The following ELOVL7 variants were observed in gnomAD, a reference collection of about 807,000 sequenced individuals.
ELOVL7 encodes very long chain fatty acid elongase 7.
A neutral mutation model predicts 35.7 loss-of-function variants in ELOVL7; 27 were observed. That is an observed-to-expected ratio of 0.76 (90% confidence interval 0.56 to 1.04). The LOEUF is 1.04. Ranked by LOEUF, ELOVL7 falls within the 50% of genes least tolerant of loss-of-function variation. The probability of loss-of-function intolerance (pLI) is 0.00; values close to 1 mark genes in which losing one functional copy is unlikely to be tolerated. For synonymous variants in ELOVL7, 113 were observed against 114.6 expected (o/e 0.99, Z 0.09); for missense variants, 327 against 340.8 (o/e 0.96, Z 0.32).
Position 60,786,820 on chromosome 5 carries a change from T to C in ELOVL7, c.64+514A>G, listed in dbSNP as rs1743621759. ...AGCCAGGCATGGTGGTGGGTGCCTG[T>C]AGTCCCAGCTACTTGGGAGGCTCAG... On this transcript the variant is annotated intron_variant, in intron 3 of 8. Coordinates refer to ENST00000508821, the MANE Select transcript of ELOVL7 (RefSeq NM_024930.3). Among the ~76,000 whole-genome samples, 2 of 152,018 alleles carry C rather than the reference T, an allele frequency of 1.3e-5. 1 individual carries two copies. The highest frequency in any genetic ancestry group is 6.8e-3 in the Middle Eastern group (2 of 294).
At chr5:60,821,175 C>T (rs1361954709) in intron 1 of ELOVL7, among the ~76,000 whole-genome samples, 1 of 152,138 alleles carries the variant, frequency 6.6e-6, no homozygotes, top group Non-Finnish European at 1.5e-5. Context: ...GCAGTCACAC[C>T]ATGCTCTACT....
intron 1 of ELOVL7, among the ~76,000 whole-genome samples, chr5:60,807,874 C>T (rs1025985676): frequency 3.3e-5 from 5 of 151,330 alleles, no homozygotes; most frequent in Non-Finnish European, 7.4e-5. Context: ...TGGTGGGCAC[C>T]TGTAGTCCCA....
At position 60,754,577 on chromosome 5, in the gene ELOVL7, T is replaced by C. The variant is rs1202017528; in HGVS notation, c.*47A>G. 4 of 1,535,434 alleles carry C rather than the reference T, an allele frequency of 2.6e-6. No homozygotes were observed. Among genetic ancestry groups the C allele is most frequent in the Non-Finnish European group, 9.0e-7 (1 of 1,109,614 alleles). Reference sequence around the variant, plus strand: ...TGCATAGGTAAATATCTCTTGATTGTCAAGGAAGACAATGTATCAGTTTCG... The same window carrying C: ...TGCATAGGTAAATATCTCTTGATTGCCAAGGAAGACAATGTATCAGTTTCG... On this transcript the variant is annotated 3_prime_UTR_variant, in exon 9 of 9. Transcript: ENST00000508821.
intron 7 of ELOVL7, among the ~76,000 whole-genome samples, chr5:60,760,683 C>T (rs1002036536): frequency 1.3e-5 from 2 of 152,136 alleles, no homozygotes; most frequent in African/African-American, 4.8e-5. Context: ...GTTGCCATTG[C>T]TTTTGGTGTT....
intron 1 of ELOVL7, among the ~76,000 whole-genome samples, chr5:60,815,660 C>T (rs758893071): frequency 1.3e-5 from 2 of 152,038 alleles, no homozygotes; most frequent in Non-Finnish European, 2.9e-5. Flanking sequence ...CTCTGCCTCC[C>T]GGACTCAAGC....
At chr5:60,766,354 T>A (rs538528762) in intron 6 of ELOVL7, among the ~76,000 whole-genome samples, 19 of 152,340 alleles carry the variant, frequency 1.2e-4, no homozygotes, top group African/African-American at 4.3e-4. Context: ...TTATAGAGTT[T>A]GCAAAATACT....
At chr5:60,784,541 T>A (rs1216960445) in intron 3 of ELOVL7, among the ~76,000 whole-genome samples, 1 of 152,214 alleles carries the variant, frequency 6.6e-6, no homozygotes, top group Non-Finnish European at 1.5e-5. Flanking sequence ...GAAATAACTA[T>A]GCATGACCAC....
chr5:60,817,653 TATATATAC>T (rs1398015546), intron 1 of ELOVL7, among the ~76,000 whole-genome samples: 1 of 143,748 alleles, frequency 7.0e-6, no homozygotes, highest in African/African-American at 2.5e-5. Flanking sequence ...ATATTAAGTA[TATATATAC>T]ATATATACAC....
At chr5:60,815,623 A>C (rs1360768257) in intron 1 of ELOVL7, among the ~76,000 whole-genome samples, 1 of 151,728 alleles carries the variant, frequency 6.6e-6, no homozygotes, top group Non-Finnish European at 1.5e-5. Context: ...GCTGGAATGC[A>C]ATGGCACGAT....
chr5:60,830,373 G>GTAATA (rs1326142983), intron 1 of ELOVL7, among the ~76,000 whole-genome samples: 1 of 152,128 alleles, frequency 6.6e-6, no homozygotes, highest in East Asian at 1.9e-4. Flanking sequence ...TAGTAACTGG[G>GTAATA]GCAGAGGGCT....
intron 2 of ELOVL7, among the ~76,000 whole-genome samples, chr5:60,794,947 A>G (rs1744157599): frequency 6.6e-6 from 1 of 152,146 alleles, no homozygotes; most frequent in African/African-American, 2.4e-5. Flanking sequence ...CTGGCCTCAT[A>G]TGGGGGATGG....
At chr5:60,756,815 T>C (rs1288097105) in intron 8 of ELOVL7, among the ~76,000 whole-genome samples, 1 of 152,096 alleles carries the variant, frequency 6.6e-6, no homozygotes, top group Non-Finnish European at 1.5e-5. Flanking sequence ...AATGTGGAAA[T>C]GCAAGGGTGG....
At chr5:60,810,949 G>C (rs1452357988) in intron 1 of ELOVL7, among the ~76,000 whole-genome samples, 1 of 152,078 alleles carries the variant, frequency 6.6e-6, no homozygotes, top group African/African-American at 2.4e-5. Context: ...AATTTTCTCA[G>C]TTTCAATTTT....
rs373498544 is a variant in ELOVL7, at chr5:60,777,468, G to A, written c.65-5375C>T. Reference sequence around the variant, plus strand: ...CAGGATTAGGAGCAATATTGGTCAAGCAGAGGTGGCTTATGTTTTAAAACA... The same window carrying A: ...CAGGATTAGGAGCAATATTGGTCAAACAGAGGTGGCTTATGTTTTAAAACA... On this transcript the variant is annotated intron_variant, in intron 3 of 8. Transcript: ENST00000508821. Among the ~76,000 whole-genome samples the A allele has an allele frequency of 1.1e-4, 16 of 152,128 alleles. No individual in the cohort carries two copies. The South Asian group carries it at 3.1e-3, about 30-fold the overall frequency.
At chr5:60,833,088 A>G (rs1746582906) in intron 1 of ELOVL7, among the ~76,000 whole-genome samples, 1 of 152,196 alleles carries the variant, frequency 6.6e-6, no homozygotes, top group African/African-American at 2.4e-5. Context: ...GTAGACAAAG[A>G]TGGAGGGGGG....
At chr5:60,834,434 T>G (rs922562307) in intron 1 of ELOVL7, among the ~76,000 whole-genome samples, 1 of 152,224 alleles carries the variant, frequency 6.6e-6, no homozygotes, top group African/African-American at 2.4e-5. Flanking sequence ...CGTGAGCCAC[T>G]GCGCCCGACC....
chr5:60,786,958 T>TAAA (rs879291486), intron 3 of ELOVL7, among the ~76,000 whole-genome samples: 1 of 137,852 alleles, frequency 7.3e-6, no homozygotes, highest in Non-Finnish European at 1.6e-5. Context: ...GACTCTGTCT[T>TAAA]AAAAAAAAAA....
chr5:60,821,859 T>C (rs905892418), intron 1 of ELOVL7, among the ~76,000 whole-genome samples: 1 of 152,254 alleles, frequency 6.6e-6, no homozygotes, highest in African/African-American at 2.4e-5. Context: ...GCTGAATTTG[T>C]GAGGTGAGTC....
chr5:60,834,670 G>A (rs1302264569), intron 1 of ELOVL7, among the ~76,000 whole-genome samples: 1 of 151,930 alleles, frequency 6.6e-6, no homozygotes, highest in Non-Finnish European at 1.5e-5. Flanking sequence ...AGTATGAGTT[G>A]ATTATATACC....
Sources: gnomAD v4.1 joint callset for allele counts (sites outside exome capture counted in the v4.1 genomes callset) on GRCh38, gnomAD v4.1.1 for gene constraint, MANE v1.5 for transcripts, NCBI Gene and HGNC (gene_info 2026-07-23, HGNC 2026-07-21) for gene names.